HS6ST3: variants seen among roughly 807,000 people sequenced by gnomAD.
HS6ST3 encodes the protein heparan-sulfate 6-O-sulfotransferase 3.
HS6ST3 carries 12 observed loss-of-function variants against 36.7 expected under a neutral mutation model. The ratio of observed to expected loss-of-function variants is 0.33; its 90% CI spans 0.21 to 0.53. The LOEUF (loss-of-function observed/expected upper bound fraction) is 0.53. HS6ST3 is among the 20% of genes least tolerant of loss of function. The pLI, the probability that HS6ST3 is intolerant of heterozygous loss-of-function variation, is 0.95. For missense variants in HS6ST3, 584 were observed against 640.9 expected (o/e 0.91, Z 0.96); for synonymous variants, 240 against 257.5 (o/e 0.93, Z 0.65).
At chr13:96,411,414 A>G (rs1413527811) in intron 1 of HS6ST3, among the ~76,000 whole-genome samples, 1 of 152,214 alleles carries the variant, frequency 6.6e-6, no homozygotes, top group Non-Finnish European at 1.5e-5. Flanking sequence ...TAAGCAAAGG[A>G]AAGATATTTA....
chr13:96,334,207 G>C (rs144868982), intron 1 of HS6ST3, among the ~76,000 whole-genome samples: 1 of 152,164 alleles, frequency 6.6e-6, no homozygotes, highest in Admixed American at 6.5e-5. Context: ...GCCAAGTCTC[G>C]TGTTGAATTG....
intron 1 of HS6ST3, among the ~76,000 whole-genome samples, chr13:96,565,930 G>C (rs1445037183): frequency 6.6e-6 from 1 of 152,142 alleles, no homozygotes; most frequent in Non-Finnish European, 1.5e-5. Flanking sequence ...TATACAGACA[G>C]AGGAAACAGA....
chr13:96,740,816 A>AG (rs1350210415), intron 1 of HS6ST3, among the ~76,000 whole-genome samples: 1 of 152,148 alleles, frequency 6.6e-6, no homozygotes, highest in Non-Finnish European at 1.5e-5. Context: ...TCCTCTTCTA[A>AG]GGGGGAGACA....
chr13:96,543,503 A>G (rs926621790), intron 1 of HS6ST3, among the ~76,000 whole-genome samples: 2 of 152,212 alleles, frequency 1.3e-5, no homozygotes, highest in African/African-American at 2.4e-5. Context: ...TTTGCTCTTT[A>G]CACTGGAATC....
chr13:96,525,475 G>A (rs1430831772), intron 1 of HS6ST3, among the ~76,000 whole-genome samples: 1 of 152,058 alleles, frequency 6.6e-6, no homozygotes, highest in Non-Finnish European at 1.5e-5. Context: ...CTCTACAGCC[G>A]ACAGGTTATA....
chr13:96,717,229 A>G (rs1354492646), intron 1 of HS6ST3, among the ~76,000 whole-genome samples: 1 of 152,220 alleles, frequency 6.6e-6, no homozygotes, highest in Non-Finnish European at 1.5e-5. Flanking sequence ...TGTGTGGCAG[A>G]TCATATGATT....
intron 1 of HS6ST3, among the ~76,000 whole-genome samples, chr13:96,199,519 C>T (rs1315766603): frequency 1.3e-5 from 2 of 152,150 alleles, no homozygotes; most frequent in African/African-American, 4.8e-5. Flanking sequence ...CAAGTGCCTA[C>T]TCAGCATTAA....
At position 96,132,121 on chromosome 13, in the gene HS6ST3, TACACACACACACAC is replaced by T. The variant is rs60692669; in HGVS notation, c.707+40590_707+40603del. ...TTTTTCAGACTGAATAGTATTCCAG[TACACACACACACAC>T]ACACACACACACACACACACACACA... On this transcript the variant is annotated intron_variant, in intron 1 of 1. Coordinates refer to ENST00000376705, the MANE Select transcript of HS6ST3 (RefSeq NM_153456.4). Among the ~76,000 whole-genome samples, 922 of 134,596 alleles carry T rather than the reference TACACACACACACAC, an allele frequency of 6.9e-3. 7 individuals are homozygous for T. Among genetic ancestry groups the T allele is most frequent in the South Asian group, 0.01 (37 of 3,670 alleles). 88.3% of individuals were successfully genotyped at this position (134,596 alleles called of 152,430 possible).
intron 1 of HS6ST3, among the ~76,000 whole-genome samples, chr13:96,510,981 C>T (rs1449816982): frequency 6.6e-6 from 1 of 152,012 alleles, no homozygotes; most frequent in Non-Finnish European, 1.5e-5. Context: ...GTTGCTTTGA[C>T]CACTGCATAT....
intron 1 of HS6ST3, among the ~76,000 whole-genome samples, chr13:96,764,664 C>T (rs1466097363): frequency 1.3e-5 from 2 of 152,202 alleles, no homozygotes; most frequent in African/African-American, 4.8e-5. Context: ...TTCCTTCACA[C>T]TTTCTGTGCA....
chr13:96,683,040 A>G (rs186831795), intron 1 of HS6ST3, among the ~76,000 whole-genome samples: 62 of 152,226 alleles, frequency 4.1e-4, no homozygotes, highest in Admixed American at 3.0e-3. Context: ...GATGCAACAG[A>G]GTTGTTATAA....
At chr13:96,511,578 TTTC>T (rs1397144638) in intron 1 of HS6ST3, among the ~76,000 whole-genome samples, 1 of 151,786 alleles carries the variant, frequency 6.6e-6, no homozygotes, top group African/African-American at 2.4e-5. Context: ...TAAAATTCTG[TTTC>T]TTATTTTTGT....
At chr13:96,588,743 AT>A (rs984203418) in intron 1 of HS6ST3, among the ~76,000 whole-genome samples, 9 of 151,452 alleles carry the variant, frequency 5.9e-5, no homozygotes, top group African/African-American at 2.2e-4. Context: ...TAGCCTTGTA[AT>A]TTTTTTTTAA....
At chr13:96,200,375 A>G (rs1181614816) in intron 1 of HS6ST3, among the ~76,000 whole-genome samples, 2 of 152,112 alleles carry the variant, frequency 1.3e-5, no homozygotes, top group African/African-American at 2.4e-5. Flanking sequence ...CAGGCCTGGC[A>G]TTCTCCTGCC....
chr13:96,304,565 A>T (rs1594748127), intron 1 of HS6ST3, among the ~76,000 whole-genome samples: 2 of 151,916 alleles, frequency 1.3e-5, no homozygotes, highest in South Asian at 4.2e-4. Flanking sequence ...GGAGCTGGGG[A>T]TGTCTTTGGA....
At chr13:96,421,757 T>G (rs955147420) in intron 1 of HS6ST3, among the ~76,000 whole-genome samples, 7 of 152,246 alleles carry the variant, frequency 4.6e-5, no homozygotes, top group Admixed American at 2.0e-4. Context: ...TGAAAACGAC[T>G]CTGGTAAAAC....
chr13:96,774,517 G>A (rs1241229633), intron 1 of HS6ST3, among the ~76,000 whole-genome samples: 5 of 152,138 alleles, frequency 3.3e-5, no homozygotes, highest in Non-Finnish European at 7.3e-5. Context: ...AACACAGCAC[G>A]AGAACTTCGT....
chr13:96,817,117 G>A (rs1878437314), intron 1 of HS6ST3, among the ~76,000 whole-genome samples: 3 of 152,240 alleles, frequency 2.0e-5, no homozygotes, highest in East Asian at 1.9e-4. Context: ...GCAACTTCCC[G>A]CTGCCCCCAG....
chr13:96,790,184 A>G (rs1188036368), intron 1 of HS6ST3, among the ~76,000 whole-genome samples: 1 of 151,624 alleles, frequency 6.6e-6, no homozygotes, highest in Admixed American at 6.6e-5. Context: ...GCGCTCTGCT[A>G]TTGAGTCCAT....
Sources: gnomAD v4.1 joint callset for allele counts (sites outside exome capture counted in the v4.1 genomes callset) on GRCh38, gnomAD v4.1.1 for gene constraint, MANE v1.5 for transcripts, NCBI Gene and HGNC (gene_info 2026-07-23, HGNC 2026-07-21) for gene names.